The following GLIS3 variants were observed in gnomAD, a reference collection of about 807,000 sequenced individuals.
GLIS3 encodes the protein zinc finger protein GLIS3.
A neutral mutation model predicts 78.6 loss-of-function variants in GLIS3; 53 were observed. That is an observed-to-expected ratio of 0.67 (90% CI 0.54 to 0.85). The LOEUF is 0.85. GLIS3 is among the 40% of genes least tolerant of loss of function. The pLI is 0.00. For synonymous variants in GLIS3, 684 were observed against 509.9 expected (o/e 1.34, Z -4.60); for missense variants, 1,703 against 1,231.1 (o/e 1.38, Z -5.74).
At chr9:4,262,156 G>A (rs1321059652) in intron 2 of GLIS3, among the ~76,000 whole-genome samples, 1 of 152,102 alleles carries the variant, frequency 6.6e-6, no homozygotes, top group Non-Finnish European at 1.5e-5. Flanking sequence ...GAGCCATAGT[G>A]CAGTGCAAGG....
chr9:3,943,716 G>A (rs2130816962), intron 4 of GLIS3, among the ~76,000 whole-genome samples: 1 of 152,280 alleles, frequency 6.6e-6, no homozygotes, highest in East Asian at 1.9e-4. Flanking sequence ...GTTTAGCTGG[G>A]GCAGTAGGAG....
intron 2 of GLIS3, among the ~76,000 whole-genome samples, chr9:4,259,832 T>TA (rs1208622896): frequency 4.6e-5 from 7 of 151,998 alleles, no homozygotes; most frequent in East Asian, 1.9e-4. Context: ...TGCCATTTTG[T>TA]AAAAAAAAGT....
intron 2 of GLIS3, among the ~76,000 whole-genome samples, chr9:4,155,102 C>G (rs1268466761): frequency 6.6e-6 from 1 of 152,058 alleles, no homozygotes; most frequent in East Asian, 1.9e-4. Flanking sequence ...CTACAAAGTA[C>G]TTGTAGATAA....
In GLIS3 at chr9:4,045,284, C is replaced by T. The variant is rs556169261; in HGVS notation, c.1710+72484G>A. On this transcript the variant is annotated intron_variant, in intron 4 of 10. Coordinates refer to ENST00000381971, the MANE Select transcript of GLIS3 (RefSeq NM_001042413.2). Reference sequence around the variant, plus strand: ...TACACACTGGACCTTGTGGATTTCACGTAACTAAAAAGCTGCAGGAAGATG... The same window carrying T: ...TACACACTGGACCTTGTGGATTTCATGTAACTAAAAAGCTGCAGGAAGATG... 5.3e-5 allele frequency among the ~76,000 whole-genome samples: 8 copies of T among 152,180 alleles called. 1 individual carries two copies. Among genetic ancestry groups the T allele is most frequent in the African/African-American group, 1.9e-4 (8 of 41,524 alleles).
chr9:3,879,436 C>CT lies in GLIS3; in HGVS notation c.2287_2288insA (p.Gly763GlufsTer3). The CT allele has an allele frequency of 6.2e-7, 1 of 1,614,042 alleles. No individual in the cohort carries two copies. On this transcript the variant is annotated frameshift_variant, in exon 8 of 11. Transcript: ENST00000381971. LOFTEE classifies it high-confidence loss of function. ...AGACAGATGGCCTTACCTCTCAGCT[C>CT]CTGCGTCCACAGCTGTGAGTGGAGG...
chr9:4,152,657 T>G (rs1834768694), intron 2 of GLIS3, among the ~76,000 whole-genome samples: 1 of 152,224 alleles, frequency 6.6e-6, no homozygotes, highest in African/African-American at 2.4e-5. Context: ...AAATTCTTTC[T>G]ACCTATAAAA....
At chr9:4,188,647 G>A (rs1164164973) in intron 2 of GLIS3, among the ~76,000 whole-genome samples, 4 of 152,164 alleles carry the variant, frequency 2.6e-5, no homozygotes, top group Non-Finnish European at 4.4e-5. Context: ...TGGTTGGTAA[G>A]CTACTGATTA....
chr9:4,360,625 G>C, the GLIS3 span, among the ~76,000 whole-genome samples: 1 of 152,210 alleles, frequency 6.6e-6, no homozygotes, highest in Non-Finnish European at 1.5e-5. Flanking sequence ...GAGGATGAGA[G>C]ATATCCAGTC....
chr9:4,130,709 G>C (rs1832913658), intron 2 of GLIS3, among the ~76,000 whole-genome samples: 1 of 152,226 alleles, frequency 6.6e-6, no homozygotes, highest in Non-Finnish European at 1.5e-5. Context: ...CCTGCTGCAG[G>C]GGTAGAGGCC....
At chr9:4,164,671 T>C (rs1386811930) in intron 2 of GLIS3, among the ~76,000 whole-genome samples, 2 of 152,156 alleles carry the variant, frequency 1.3e-5, no homozygotes, top group East Asian at 1.9e-4. Flanking sequence ...GCGTTATGTA[T>C]GATCTAAAAT....
chr9:4,357,137 C>G, the GLIS3 span, among the ~76,000 whole-genome samples: 1 of 152,112 alleles, frequency 6.6e-6, no homozygotes, highest in East Asian at 1.9e-4. Context: ...TATTTAAAAT[C>G]TTTGGGGAAT....
At chr9:3,990,563 T>C (rs1341012622) in intron 4 of GLIS3, among the ~76,000 whole-genome samples, 8 of 152,150 alleles carry the variant, frequency 5.3e-5, no homozygotes, top group Non-Finnish European at 7.3e-5. Context: ...GAGTTTACAA[T>C]ATTCTGGCTC....
At chr9:3,968,590 T>C (rs1818138513) in intron 4 of GLIS3, among the ~76,000 whole-genome samples, 1 of 152,186 alleles carries the variant, frequency 6.6e-6, no homozygotes, top group South Asian at 2.1e-4. Context: ...TTTTATGTTC[T>C]CCATAGGTAA....
At chr9:4,292,025 A>G (rs1173710920) in intron 1 of GLIS3, among the ~76,000 whole-genome samples, 2 of 152,178 alleles carry the variant, frequency 1.3e-5, no homozygotes, top group Non-Finnish European at 2.9e-5. Context: ...TTGGTCAGTT[A>G]TAAGAAATCA....
At chr9:4,316,998 G>T (rs1817446832) in intron 2 of GLIS3, among the ~76,000 whole-genome samples, 1 of 152,128 alleles carries the variant, frequency 6.6e-6, no homozygotes, top group Non-Finnish European at 1.5e-5. Context: ...AGAACCTATT[G>T]ACAATGTTAA....
At chr9:4,473,555 C>T in the GLIS3 span, among the ~76,000 whole-genome samples, 1 of 151,808 alleles carries the variant, frequency 6.6e-6, no homozygotes, top group African/African-American at 2.4e-5. Context: ...AAACCAAATA[C>T]CACATGTTCT....
chr9:4,402,696 T>C, the GLIS3 span, among the ~76,000 whole-genome samples: 1 of 152,118 alleles, frequency 6.6e-6, no homozygotes, highest in Non-Finnish European at 1.5e-5. Flanking sequence ...AAAAATGCAT[T>C]AGAGTCTCTT....
At chr9:3,831,135 A>G (rs915874366) in intron 9 of GLIS3, among the ~76,000 whole-genome samples, 2 of 151,974 alleles carry the variant, frequency 1.3e-5, no homozygotes, top group African/African-American at 4.8e-5. Context: ...TGCACTTTAT[A>G]TAGAATCAAA....
At position 3,828,372 on chromosome 9, in the gene GLIS3, C is replaced by T. The variant is rs1436468165; in HGVS notation, c.2693G>A (p.Gly898Glu). 2.5e-6 allele frequency: 4 copies of T among 1,613,704 alleles called. No individual in the cohort carries two copies. Among genetic ancestry groups the T allele is most frequent in the Non-Finnish European group, 3.4e-6 (4 of 1,180,004 alleles). Residue 898 changes from glycine (G) to glutamate (E), a missense_variant, in exon 11 of 11, where the codon GGG (glycine) becomes GAG (glutamate). By Grantham distance (98) the Gly-to-Glu change is moderately conservative. Coordinates refer to ENST00000381971, the MANE Select transcript of GLIS3 (RefSeq NM_001042413.2). ...TTCAGCCCCGCTGCGGAGAGACTCC[C>T]CAAAGAGGCTCGAGGAACTTGAAGG... ...DLPSSSSSLFGESLRSGAEDA... is the reference protein window; with the variant it reads ...DLPSSSSSLFEESLRSGAEDA...
Sources: gnomAD v4.1 joint callset for allele counts (sites outside exome capture counted in the v4.1 genomes callset) on GRCh38, gnomAD v4.1.1 for gene constraint, MANE v1.5 for transcripts, NCBI Gene and HGNC (gene_info 2026-07-23, HGNC 2026-07-21) for gene names.